EXOC6B: variants seen among roughly 807,000 people sequenced by gnomAD.
EXOC6B encodes the protein exocyst complex component 6B.
In EXOC6B, 54 loss-of-function variants were observed where a neutral mutation model predicts 113.5. The ratio of observed to expected loss-of-function variants is 0.48; its 90% CI spans 0.38 to 0.60. EXOC6B has a LOEUF of 0.60. Among genes scored for constraint, EXOC6B ranks in the 20% least tolerant of loss-of-function variants. The pLI is 0.00. For synonymous variants in EXOC6B, 357 were observed against 339.0 expected, an observed-to-expected ratio of 1.05 and a Z score of -0.58; for missense variants, 797 against 977.5, an observed-to-expected ratio of 0.82 and a Z score of 2.46.
chr2:72,376,676 A>G (rs988579760), intron 19 of EXOC6B, among the ~76,000 whole-genome samples: 2 of 152,124 alleles, frequency 1.3e-5, no homozygotes, highest in African/African-American at 4.8e-5. Flanking sequence ...TACTGACTAT[A>G]TTAAATTATT....
intron 6 of EXOC6B, among the ~76,000 whole-genome samples, chr2:72,679,091 G>C (rs1225524837): frequency 2.6e-5 from 4 of 150,948 alleles, no homozygotes; most frequent in African/African-American, 9.7e-5. Flanking sequence ...TTTTTAAACA[G>C]AGTCTGATTC....
intron 6 of EXOC6B, among the ~76,000 whole-genome samples, chr2:72,650,699 G>A (rs992474672): frequency 3.3e-5 from 5 of 151,848 alleles, no homozygotes; most frequent in African/African-American, 9.7e-5. Flanking sequence ...GAGGATATAG[G>A]AATGGTAAAT....
At position 72,771,377 on chromosome 2, in the gene EXOC6B, C is replaced by G. The variant is rs112891027; in HGVS notation, c.114-29908G>C. On this transcript the variant is annotated intron_variant, in intron 1 of 21. Coordinates refer to ENST00000272427, the MANE Select transcript of EXOC6B (RefSeq NM_015189.3). ...TATATGCATGCTTATTTTTCTAAAC[C>G]ATTTGTAAGTAGGCTTCATATATCA... 5.4e-4 allele frequency among the ~76,000 whole-genome samples: 82 copies of G among 152,170 alleles called. 1 individual carries two copies. Among genetic ancestry groups the G allele is most frequent in the African/African-American group, 1.8e-3 (74 of 41,530 alleles).
At chr2:72,483,090 T>C (rs1434669640) in intron 16 of EXOC6B, among the ~76,000 whole-genome samples, 1 of 152,198 alleles carries the variant, frequency 6.6e-6, no homozygotes, top group South Asian at 2.1e-4. Context: ...CAAACAACCT[T>C]TTAACTTTGG....
intron 20 of EXOC6B, among the ~76,000 whole-genome samples, chr2:72,195,388 G>T (rs1367458062): frequency 1.3e-5 from 2 of 152,220 alleles, no homozygotes; most frequent in Non-Finnish European, 2.9e-5. Context: ...GAGGATGGGA[G>T]GCCCCTGTCA....
At chr2:72,681,334 G>A (rs1676687803) in intron 6 of EXOC6B, among the ~76,000 whole-genome samples, 1 of 152,050 alleles carries the variant, frequency 6.6e-6, no homozygotes, top group Non-Finnish European at 1.5e-5. Context: ...GTGCCGCTGT[G>A]AGCACACCAA....
At chr2:72,255,170 A>T (rs9309463) in intron 20 of EXOC6B, among the ~76,000 whole-genome samples, 56,292 of 152,032 alleles carry the variant, frequency 0.37, 13,209 homozygotes, top group African/African-American at 0.66. Flanking sequence ...GGTAAAGATC[A>T]ATGCAGGACC....
chr2:72,493,875 CTT>C (rs951960668), intron 15 of EXOC6B, among the ~76,000 whole-genome samples: 2 of 152,020 alleles, frequency 1.3e-5, no homozygotes, highest in Admixed American at 1.3e-4. Flanking sequence ...AGCGGTTTCT[CTT>C]GTTTTGAGAG....
intron 6 of EXOC6B, among the ~76,000 whole-genome samples, chr2:72,623,471 C>A (rs2104206855): frequency 6.6e-6 from 1 of 152,230 alleles, no homozygotes; most frequent in Admixed American, 6.5e-5. Context: ...TCTCTATTAC[C>A]TCTATTGAGT....
intron 20 of EXOC6B, among the ~76,000 whole-genome samples, chr2:72,238,128 C>T (rs1446892690): frequency 6.6e-6 from 1 of 152,130 alleles, no homozygotes; most frequent in Non-Finnish European, 1.5e-5. Context: ...TATAGATTTG[C>T]CTATTCTGAA....
At chr2:72,369,216 C>A (rs1350249447) in intron 19 of EXOC6B, among the ~76,000 whole-genome samples, 1 of 151,984 alleles carries the variant, frequency 6.6e-6, no homozygotes. Context: ...TCTTATATAC[C>A]AATAACAGAC....
intron 20 of EXOC6B, among the ~76,000 whole-genome samples, chr2:72,191,483 A>G (rs1481505448): frequency 6.6e-6 from 1 of 152,216 alleles, no homozygotes; most frequent in Non-Finnish European, 1.5e-5. Flanking sequence ...AAGATGCCAC[A>G]GCTGGTTGTT....
At chr2:72,335,256 A>G (rs539102533) in intron 19 of EXOC6B, 24 of 490,418 alleles carry the variant, frequency 4.9e-5, no homozygotes, top group African/African-American at 4.7e-4. Flanking sequence ...CCTGAAATTT[A>G]TTCCCATGAG....
At chr2:72,312,755 C>CA (rs1687271919) in intron 20 of EXOC6B, among the ~76,000 whole-genome samples, 2 of 106,724 alleles carry the variant, frequency 1.9e-5, no homozygotes, top group South Asian at 7.0e-4. Context: ...GACTTTGTCT[C>CA]AAAAAACAAC....
chr2:72,567,779 A>G lies in EXOC6B; in HGVS notation c.846+7713T>C. ...AAAATGAAAGACAAGATGGAATATA[A>G]CTCATTGTATATAAAATGATTATCC... On this transcript the variant is annotated intron_variant, in intron 7 of 21. Coordinates refer to ENST00000272427, the MANE Select transcript of EXOC6B (RefSeq NM_015189.3). Among the ~76,000 whole-genome samples the G allele has an allele frequency of 1.3e-5, 2 of 152,108 alleles. 1 individual carries two copies. The highest frequency in any genetic ancestry group is 2.9e-5 in the Non-Finnish European group (2 of 67,934).
At chr2:72,182,312 G>A (rs979698303) in intron 21 of EXOC6B, among the ~76,000 whole-genome samples, 2 of 152,142 alleles carry the variant, frequency 1.3e-5, no homozygotes, top group Non-Finnish European at 2.9e-5. Flanking sequence ...TCCTGGGAAC[G>A]GAGGAGTAAA....
chr2:72,386,841 A>G (rs1692057105), intron 18 of EXOC6B, among the ~76,000 whole-genome samples: 1 of 152,228 alleles, frequency 6.6e-6, no homozygotes, highest in Admixed American at 6.5e-5. Flanking sequence ...ATCATGTTGT[A>G]CACCTTAAAT....
chr2:72,740,172 C>A (rs1248505425), intron 2 of EXOC6B, among the ~76,000 whole-genome samples: 1 of 151,962 alleles, frequency 6.6e-6, no homozygotes, highest in Admixed American at 6.6e-5. Context: ...GTCTGACAGC[C>A]CACTTTGCCC....
intron 20 of EXOC6B, among the ~76,000 whole-genome samples, chr2:72,243,389 T>C (rs1682447568): frequency 6.6e-6 from 1 of 152,176 alleles, no homozygotes; most frequent in African/African-American, 2.4e-5. Context: ...GTGGCACATA[T>C]ACACCATGGA....
Sources: gnomAD v4.1 joint callset for allele counts (sites outside exome capture counted in the v4.1 genomes callset) on GRCh38, gnomAD v4.1.1 for gene constraint, MANE v1.5 for transcripts, NCBI Gene and HGNC (gene_info 2026-07-23, HGNC 2026-07-21) for gene names.